The following PCDHA4 variants were observed in gnomAD, a reference collection of about 807,000 sequenced individuals.
The protein encoded by PCDHA4 is protocadherin alpha 4.
PCDHA4 carries 49 observed loss-of-function variants against 61.4 expected under a neutral mutation model. The observed-to-expected ratio is 0.80, with a 90% CI of 0.63 to 1.01. The LOEUF is 1.01. Among genes scored for constraint, PCDHA4 ranks in the 50% least tolerant of loss-of-function variants. PCDHA4 has a pLI of 0.00. For missense variants in PCDHA4, 1,254 were observed against 1,235.8 expected, an observed-to-expected ratio of 1.01 and a Z score of -0.22; for synonymous variants, 590 against 550.3, an observed-to-expected ratio of 1.07 and a Z score of -1.01.
chr5:140,928,550 C>A (rs781857799), intron 1 of PCDHA4: 1 of 1,614,160 alleles, frequency 6.2e-7, no homozygotes, highest in South Asian at 1.1e-5. Flanking sequence ...GACAATTATC[C>A]GGTTATCTTG....
In PCDHA4 at chr5:140,846,583, C is replaced by T. The variant is rs2150392469; in HGVS notation, c.2385+37011C>T. On this transcript the variant is annotated intron_variant, in intron 1 of 3. Transcript: ENST00000530339. The stretch of plus-strand genomic sequence containing the variant: ...TAGAGTCGGGGTTTCACCATGTTAG[C>T]CAGGATGGTCTCGATCTCCTGACCT... Among the ~76,000 whole-genome samples the T allele has an allele frequency of 2.6e-4, 39 of 148,680 alleles. 1 individual carries two copies. Among genetic ancestry groups the T allele is most frequent in the African/African-American group, 9.4e-4 (38 of 40,584 alleles).
At position 140,829,810 on chromosome 5, in the gene PCDHA4, T is replaced by C. The variant is rs144082627; in HGVS notation, c.2385+20238T>C. The stretch of plus-strand genomic sequence containing the variant: ...TGCTGGCGCCTCGGGTGGGTGGTAC[T>C]GGTGGTGCAGTGAGCGAGCTGGTGC... On this transcript the variant is annotated intron_variant, in intron 1 of 3. Transcript: ENST00000530339. The C allele has an allele frequency of 1.0e-3, 1,632 of 1,613,866 alleles. 19 individuals are homozygous for C. In the African/African-American group the frequency reaches 0.019, roughly 19 times the overall value.
At position 140,807,387 on chromosome 5, in the gene PCDHA4, C is replaced by A. The variant is rs782494406; in HGVS notation, c.200C>A (p.Ala67Glu). The change falls in exon 1 of 4, where the codon GCG (alanine) becomes GAG (glutamate). Residue 67 changes from alanine to glutamate, a missense_variant. By Grantham distance (107) the Ala-to-Glu change is moderately radical (BLOSUM62 -1). Coordinates refer to ENST00000530339, the MANE Select transcript of PCDHA4 (RefSeq NM_018907.4). ...CTGGTGCCGCGCCTGTTCCGGGTGG[C>A]GTCCAAGGGCCGCGGAGGCCTTCTG... ...AELVPRLFRV[A>E]SKGRGGLLEV... 5 of 1,488,998 alleles carry A rather than the reference C, an allele frequency of 3.4e-6. No individual in the cohort carries two copies. The highest frequency in any genetic ancestry group is 1.5e-5 in the African/African-American group (1 of 64,900). The allele number at this position is 1,488,998 out of a possible 1,614,324, so 92.2% of individuals were successfully genotyped here.
At chr5:140,834,566 G>C in intron 1 of PCDHA4, 1 of 1,614,096 alleles carries the variant, frequency 6.2e-7, no homozygotes, top group Non-Finnish European at 8.5e-7. Flanking sequence ...AGCTGGTGCC[G>C]CGCCTGTTCC....
chr5:141,006,750 G>A (rs1233243147), intron 3 of PCDHA4, among the ~76,000 whole-genome samples: 1 of 152,122 alleles, frequency 6.6e-6, no homozygotes, highest in African/African-American at 2.4e-5. Flanking sequence ...TATTATAAAT[G>A]GAGAATGAAG....
intron 1 of PCDHA4, among the ~76,000 whole-genome samples, chr5:140,918,094 T>C (rs1001602407): frequency 1.3e-5 from 2 of 152,188 alleles, no homozygotes; most frequent in East Asian, 1.9e-4. Context: ...ATTCTTTTTA[T>C]AGAGATCTTT....
At chr5:140,965,237 G>A (rs2095882583) in intron 1 of PCDHA4, among the ~76,000 whole-genome samples, 1 of 152,204 alleles carries the variant, frequency 6.6e-6, no homozygotes, top group African/African-American at 2.4e-5. Context: ...AACCTGGGAA[G>A]AGTGAATATT....
At chr5:140,844,920 G>A (rs1554140772) in intron 1 of PCDHA4, among the ~76,000 whole-genome samples, 1 of 149,212 alleles carries the variant, frequency 6.7e-6, no homozygotes, top group Non-Finnish European at 1.5e-5. Context: ...AGAAATTGAT[G>A]GAAGGGAATG....
intron 3 of PCDHA4, among the ~76,000 whole-genome samples, chr5:140,992,758 G>T (rs1160312796): frequency 6.6e-6 from 1 of 152,182 alleles, no homozygotes; most frequent in Non-Finnish European, 1.5e-5. Flanking sequence ...CTGTGTTGGG[G>T]ATAGGAGGGT....
At chr5:140,847,405 A>T (rs2150400080) in intron 1 of PCDHA4, 5 of 149,702 alleles carry the variant, frequency 3.3e-5, no homozygotes, top group African/African-American at 1.2e-4. Context: ...GGCACAATAA[A>T]CACTCACGGT....
chr5:140,814,543 A>G (rs1410934884), intron 1 of PCDHA4: 1 of 152,098 alleles, frequency 6.6e-6, no homozygotes, highest in Non-Finnish European at 1.5e-5. Flanking sequence ...AAGCAGTAAC[A>G]TTTACTATCT....
In PCDHA4 at chr5:140,902,128, A is replaced by G. The variant is rs140093707; in HGVS notation, c.2386-76821A>G. 5.8e-3 allele frequency among the ~76,000 whole-genome samples: 872 copies of G among 150,980 alleles called. 10 individuals carry two copies. The highest frequency in any genetic ancestry group is 0.019 in the African/African-American group (793 of 41,220). ...ATTTTTTTAAAACTGAGATTATATCATCTGCAAACAAGGATAATTTGATTT... is the reference window on the plus strand; with the variant it reads ...ATTTTTTTAAAACTGAGATTATATCGTCTGCAAACAAGGATAATTTGATTT... On this transcript the variant is annotated intron_variant, in intron 1 of 3. Coordinates refer to ENST00000530339, the MANE Select transcript of PCDHA4 (RefSeq NM_018907.4).
At chr5:140,981,537 G>C (rs375537131) in intron 2 of PCDHA4, among the ~76,000 whole-genome samples, 2 of 152,290 alleles carry the variant, frequency 1.3e-5, no homozygotes, top group East Asian at 3.9e-4. Context: ...TCGTGCCACT[G>C]TACTCCAGCC....
intron 1 of PCDHA4, chr5:140,877,432 C>T: frequency 6.2e-7 from 1 of 1,613,874 alleles, no homozygotes; most frequent in Non-Finnish European, 8.5e-7. Flanking sequence ...GGTGAAGGAC[C>T]ACGGTGAGCC....
In PCDHA4 at chr5:140,858,087, G is replaced by A. The variant is rs782702941; in HGVS notation, c.2385+48515G>A. On this transcript the variant is annotated intron_variant, in intron 1 of 3. Coordinates refer to ENST00000530339, the MANE Select transcript of PCDHA4 (RefSeq NM_018907.4). Reference sequence around the variant, plus strand: ...AGCCAGGCACCCAAGGCCTCGTCGCGGGCTTCAGTGGGCGTGGCGCCCGAG... The same window carrying A: ...AGCCAGGCACCCAAGGCCTCGTCGCAGGCTTCAGTGGGCGTGGCGCCCGAG... The A allele has an allele frequency of 4.1e-5, 66 of 1,597,710 alleles. 5 individuals carry two copies. Among genetic ancestry groups the A allele is most frequent in the Non-Finnish European group, 5.3e-5 (62 of 1,167,710 alleles).
At chr5:140,822,175 A>G (rs1554128484) in intron 1 of PCDHA4, 1 of 1,614,258 alleles carries the variant, frequency 6.2e-7, no homozygotes, top group Admixed American at 1.7e-5. Flanking sequence ...CAGGTTCTCC[A>G]GACAAGAACA....
At chr5:140,892,624 A>C (rs1041078923) in intron 1 of PCDHA4, among the ~76,000 whole-genome samples, 28 of 152,166 alleles carry the variant, frequency 1.8e-4, no homozygotes, top group Non-Finnish European at 3.2e-4. Flanking sequence ...CAGTTGGTAC[A>C]TAATAATTGT....
rs781865422 is a variant in PCDHA4, at chr5:140,871,237, C to T, written c.2385+61665C>T. 26 of 1,613,866 alleles carry T rather than the reference C, an allele frequency of 1.6e-5. 1 individual carries two copies. In the South Asian group the frequency reaches 2.3e-4, roughly 14 times the overall value. The stretch of plus-strand genomic sequence containing the variant: ...CTGCGTGGTGTCCAGCCTCCTGGTA[C>T]TCACGCTGCTGCTGTATACGGCGCT... On this transcript the variant is annotated intron_variant, in intron 1 of 3. Coordinates refer to ENST00000530339, the MANE Select transcript of PCDHA4 (RefSeq NM_018907.4).
rs1237282908 is a variant in PCDHA4, at chr5:140,877,400, C to T, written c.2385+67828C>T. ...CGCATCCTGGATGAGGCGGACGCTC[C>T]GCGCCACCGCCTGCTGGTGCTGGTG... On this transcript the variant is annotated intron_variant, in intron 1 of 3. Coordinates refer to ENST00000530339, the MANE Select transcript of PCDHA4 (RefSeq NM_018907.4). The T allele has an allele frequency of 7.4e-6, 12 of 1,613,804 alleles. No homozygotes were observed. The Admixed American group carries it at 1.8e-4, about 25-fold the overall frequency.
Sources: gnomAD v4.1 joint callset for allele counts (sites outside exome capture counted in the v4.1 genomes callset) on GRCh38, gnomAD v4.1.1 for gene constraint, MANE v1.5 for transcripts, NCBI Gene and HGNC (gene_info 2026-07-23, HGNC 2026-07-21) for gene names.